Variants in ACP1 observed in about 807,000 individuals in gnomAD.
ACP1 encodes acid phosphatase 1.
ACP1 carries 23 observed loss-of-function variants against 23.4 expected under a neutral mutation model. The observed-to-expected ratio is 0.98, with a 90% CI of 0.71 to 1.39. ACP1 has a LOEUF of 1.39. ACP1 is among the 40% of genes most tolerant of loss of function. The pLI is 0.00. For synonymous variants in ACP1, 72 were observed against 67.2 expected, an observed-to-expected ratio of 1.07 and a Z score of -0.35; for missense variants, 180 against 197.7, an observed-to-expected ratio of 0.91 and a Z score of 0.54.
At chr2:275,019 A>G in intron 3 of ACP1, 121 bp from the exon 4 acceptor site, 1 of 415,278 alleles carries the variant, frequency 2.4e-6, no homozygotes, top group Non-Finnish European at 4.3e-6. Context: ...AAATTATTTA[A>G]TTGTTTATTA....
chr2:268,949 G>A (rs910304609), intron 1 of ACP1, among the ~76,000 whole-genome samples: 1 of 152,206 alleles, frequency 6.6e-6, no homozygotes, highest in Non-Finnish European at 1.5e-5. Flanking sequence ...GGGAAAGTAA[G>A]CTGTTATTTT....
chr2:272,135 C>T lies in ACP1; in HGVS notation c.216C>T (p.Ser72=). ...SCMKRHGIPM[S]HVARQITKED... Reference sequence around the variant, plus strand: ...TGAAGAGGCACGGCATTCCCATGAGCCACGTTGCCCGGCAGGTACCGTCCT... The same window carrying T: ...TGAAGAGGCACGGCATTCCCATGAGTCACGTTGCCCGGCAGGTACCGTCCT... Residue 72 remains serine (S), a synonymous_variant, in exon 3 of 6, where the codon AGC becomes AGT. Transcript: ENST00000272065. 6.2e-7 allele frequency: 1 copy of T among 1,614,210 alleles called. No homozygotes were observed. Among genetic ancestry groups the T allele is most frequent in the Non-Finnish European group, 8.5e-7 (1 of 1,180,046 alleles).
chr2:277,951 C>T lies in ACP1; in HGVS notation c.*647C>T, dbSNP rs12503. ...ATGAGGAGGTCAGCCCATTGGCTCC[C>T]ATCTGAACCACTTTGCCTCTGAAAC... On this transcript the variant is annotated 3_prime_UTR_variant, in exon 6 of 6. Transcript: ENST00000272065. The T allele has an allele frequency of 6.6e-6, 1 of 152,412 alleles. No individual in the cohort carries two copies. Among genetic ancestry groups the T allele is most frequent in the African/African-American group, 2.4e-5 (1 of 41,450 alleles). The allele number at this position is 152,412 out of a possible 1,614,324, so 9.4% of individuals were successfully genotyped here.
At chr2:276,100 T>C (rs1341954163) in intron 4 of ACP1, among the ~76,000 whole-genome samples, 1 of 152,200 alleles carries the variant, frequency 6.6e-6, no homozygotes, top group African/African-American at 2.4e-5. Flanking sequence ...AGCACCGTGT[T>C]TCTTTGCGTG....
At chr2:266,208 G>A (rs1353446136) in intron 1 of ACP1, 1 of 151,980 alleles carries the variant, frequency 6.6e-6, no homozygotes, top group Non-Finnish European at 1.5e-5. Flanking sequence ...TTTTCATTTT[G>A]TTTTCAGCTT....
intron 1 of ACP1, among the ~76,000 whole-genome samples, chr2:267,439 G>A (rs973288856): frequency 6.6e-6 from 1 of 152,222 alleles, no homozygotes; most frequent in African/African-American, 2.4e-5. Flanking sequence ...GAGTGGGATG[G>A]TCAGGGAAGG....
Position 277,580 on chromosome 2 carries a change from A to C in ACP1, c.*276A>C, listed in dbSNP as rs1670210837. ...TTTGCCCCAGTTACAAAAATAGTAG[A>C]ACAAGCAACATAAAACAATGAAGGA... On this transcript the variant is annotated 3_prime_UTR_variant, in exon 6 of 6. Coordinates refer to ENST00000272065, the MANE Select transcript of ACP1 (RefSeq NM_004300.4). 1 of 460,960 alleles carries C rather than the reference A, an allele frequency of 2.2e-6. No individual in the cohort carries two copies. Among genetic ancestry groups the C allele is most frequent in the Non-Finnish European group, 4.0e-6 (1 of 252,368 alleles). The allele number at this position is 460,960 out of a possible 1,614,324, so 28.6% of individuals were successfully genotyped here. A position where few individuals can be genotyped will look rare whatever the true frequency, so the allele number is the denominator to read the frequency against.
At position 277,675 on chromosome 2, in the gene ACP1, A is replaced by G. The variant is rs1430555936; in HGVS notation, c.*371A>G. 7.7e-6 allele frequency: 2 copies of G among 258,930 alleles called. No homozygotes were observed. The highest frequency in any genetic ancestry group is 1.5e-5 in the Non-Finnish European group (2 of 131,434). The allele number at this position is 258,930 out of a possible 1,614,324, so 16.0% of individuals were successfully genotyped here. A position where few individuals can be genotyped will look rare whatever the true frequency, so the allele number is the denominator to read the frequency against. On this transcript the variant is annotated 3_prime_UTR_variant, in exon 6 of 6. Transcript: ENST00000272065. ...CTTAGATAATCGAGTCTACCTCTTC[A>G]GTAGGTTTGTGTGGATGGCCTGGAG...
intron 1 of ACP1, chr2:266,423 T>A (rs565896877): frequency 6.6e-6 from 1 of 152,368 alleles, no homozygotes; most frequent in African/African-American, 2.4e-5. Flanking sequence ...CATTCCCTTG[T>A]ATAGTTTTGG....
chr2:266,442 G>A (rs1669883949), intron 1 of ACP1: 1 of 152,168 alleles, frequency 6.6e-6, no homozygotes, highest in South Asian at 2.1e-4. Context: ...GGTTGGTATT[G>A]TCGATTATGC....
In ACP1 at chr2:272,400, T is replaced by C. The variant is rs534396332; in HGVS notation, c.231+250T>C. 5.3e-6 allele frequency: 8 copies of C among 1,500,542 alleles called. No individual in the cohort carries two copies. In the African/African-American group the frequency reaches 7.0e-5, roughly 13 times the overall value. 93.0% of individuals were successfully genotyped at this position (1,500,542 alleles called of 1,614,324 possible). A position where few individuals can be genotyped will look rare whatever the true frequency, so the allele number is the denominator to read the frequency against. On this transcript the variant is annotated intron_variant, in intron 3 of 5. Transcript: ENST00000272065. ...CAGACTTGTATATTAATGAATGTGTTTATTTAGGGTGAGCTTAACCAGCTA... is the reference window on the plus strand; with the variant it reads ...CAGACTTGTATATTAATGAATGTGTCTATTTAGGGTGAGCTTAACCAGCTA...
intron 1 of ACP1, 55 bp from the exon 2 acceptor site, chr2:271,811 A>G: frequency 7.2e-7 from 1 of 1,392,632 alleles, no homozygotes; most frequent in Non-Finnish European, 1.0e-6. Context: ...GGGAGCTGGC[A>G]TGTGCCCTTC....
rs913402260 is a variant in ACP1 at position 277,988 on chromosome 2, C to T, written c.*684C>T. On this transcript the variant is annotated 3_prime_UTR_variant, in exon 6 of 6. Transcript: ENST00000272065. Reference sequence around the variant, plus strand: ...TTTGCCTCTGAAACTTAATTACATCCAGAAAGAAGGACACTTGTATGCTAG... The same window carrying T: ...TTTGCCTCTGAAACTTAATTACATCTAGAAAGAAGGACACTTGTATGCTAG... The T allele has an allele frequency of 6.6e-5, 10 of 152,278 alleles. No homozygotes were observed. Among genetic ancestry groups the T allele is most frequent in the African/African-American group, 2.2e-4 (9 of 41,448 alleles). 9.4% of individuals were successfully genotyped at this position (152,278 alleles called of 1,614,324 possible). A position where few individuals can be genotyped will look rare whatever the true frequency, so the allele number is the denominator to read the frequency against.
intron 1 of ACP1, among the ~76,000 whole-genome samples, chr2:270,812 T>C (rs980058397): frequency 1.3e-4 from 19 of 151,756 alleles, no homozygotes; most frequent in Non-Finnish European, 2.1e-4. Flanking sequence ...TTAGGGAACC[T>C]CCCAGAATGT....
In ACP1 at chr2:264,977, G is replaced by C; in HGVS notation, c.13G>C (p.Ala5Pro). Reference sequence around the variant, plus strand: ...TGCGCGCGGGAAGATGGCGGAACAGGCTACCAAGTCCGTGCTGTTTGTGTG... The same window carrying C: ...TGCGCGCGGGAAGATGGCGGAACAGCCTACCAAGTCCGTGCTGTTTGTGTG... MAEQ[A>P]TKSVLFVCLG... Residue 5 changes from alanine to proline, a missense_variant, in exon 1 of 6, where the codon GCT becomes CCT. Around this residue, in one of 3 missense-constraint regions of ACP1, gnomAD observed 132 missense variants for 124.1 expected, o/e 1.06. Transcript: ENST00000272065. 1.9e-6 allele frequency: 3 copies of C among 1,613,012 alleles called. No homozygotes were observed. The highest frequency in any genetic ancestry group is 2.5e-6 in the Non-Finnish European group (3 of 1,179,534).
chr2:277,374 T>A lies in ACP1; in HGVS notation c.*70T>A. 1 of 1,402,846 alleles carries A rather than the reference T, an allele frequency of 7.1e-7. No individual in the cohort carries two copies. Among genetic ancestry groups the A allele is most frequent in the South Asian group, 1.2e-5 (1 of 86,894 alleles). The allele number at this position is 1,402,846 out of a possible 1,614,324, so 86.9% of individuals were successfully genotyped here. A position where few individuals can be genotyped will look rare whatever the true frequency, so the allele number is the denominator to read the frequency against. ...CTGAGGTCCTGCATTTCTCAGTCGG[T>A]GTGTAATCACGTTCCAGGGCCCAAA... On this transcript the variant is annotated 3_prime_UTR_variant, in exon 6 of 6. Transcript: ENST00000272065.
intron 3 of ACP1, 117 bp downstream of exon 3, chr2:272,267 A>G (rs756539938): frequency 1.8e-5 from 29 of 1,614,138 alleles, no homozygotes; most frequent in Non-Finnish European, 2.5e-5. Flanking sequence ...GAGCTGCCTA[A>G]GAAATCATGG....
At chr2:266,804 C>A (rs923110162) in intron 1 of ACP1, among the ~76,000 whole-genome samples, 2 of 150,068 alleles carry the variant, frequency 1.3e-5, no homozygotes, top group African/African-American at 4.9e-5. Flanking sequence ...TTTTTTTTTT[C>A]TTTCCATAAG....
At chr2:276,554 TG>T (rs1037158636) in intron 4 of ACP1, among the ~76,000 whole-genome samples, 1 of 152,120 alleles carries the variant, frequency 6.6e-6, no homozygotes, top group African/African-American at 2.4e-5. Context: ...GAATAAAAGA[TG>T]GAAGAGTAAT....
Sources: allele counts gnomAD v4.1 joint callset (sites outside exome capture counted in the v4.1 genomes callset), GRCh38; gene constraint gnomAD v4.1.1; regional missense constraint gnomAD v4.1.1; transcripts MANE v1.5; gene names NCBI Gene and HGNC (gene_info 2026-07-23, HGNC 2026-07-21).